ZNF433: variants seen among roughly 807,000 people sequenced by gnomAD.
ZNF433 encodes the protein zinc finger protein 433.
A neutral mutation model predicts 10.6 loss-of-function variants in ZNF433; 12 were observed. The ratio of observed to expected loss-of-function variants is 1.13; its 90% CI spans 0.72 to 1.83. ZNF433 has a LOEUF of 1.83. Ranked by LOEUF, ZNF433 falls within the 40% of genes most tolerant of loss-of-function variation. The probability of loss-of-function intolerance (pLI) is 0.00; values close to 1 mark genes in which losing one functional copy is unlikely to be tolerated. For synonymous variants in ZNF433, 272 were observed against 271.3 expected, an observed-to-expected ratio of 1.00 and a Z score of -0.02; for missense variants, 737 against 798.0, an observed-to-expected ratio of 0.92 and a Z score of 0.92.
intron 1 of ZNF433, 45 bp downstream of exon 1, chr19:12,035,492 A>G: frequency 3.8e-6 from 6 of 1,561,834 alleles, no homozygotes; most frequent in South Asian, 1.2e-5. Flanking sequence ...GGCCGGTTCC[A>G]ACCAGCTCCT....
At chr19:12,021,841 A>G in intron 1 of ZNF433, 1 of 410,150 alleles carries the variant, frequency 2.4e-6, no homozygotes, top group South Asian at 1.7e-5. Context: ...TCTCCTGAAG[A>G]CCACTCCCTG....
At position 12,015,168 on chromosome 19, in the gene ZNF433, A is replaced by G. The variant is rs374211269; in HGVS notation, c.1690T>C (p.Cys564Arg). The change falls in exon 4 of 4, where the codon TGT becomes CGT. Residue 564 changes from cysteine to arginine, a missense_variant. By Grantham distance (180) the Cys-to-Arg change is radical. Coordinates refer to ENST00000550507, the MANE Select transcript of ZNF433 (RefSeq NM_001308348.2). ...TGEKPYECKQCGKAFGSASHL... is the reference protein window; with the variant it reads ...TGEKPYECKQRGKAFGSASHL... Reference sequence around the variant, plus strand: ...GAGGCAGATCCAAAGGCTTTCCCACACTGCTTACATTCATAAGGTTTCTCT... The same window carrying G: ...GAGGCAGATCCAAAGGCTTTCCCACGCTGCTTACATTCATAAGGTTTCTCT... 4.3e-6 allele frequency: 7 copies of G among 1,613,880 alleles called. No individual in the cohort carries two copies. The highest frequency in any genetic ancestry group is 5.9e-6 in the Non-Finnish European group (7 of 1,179,932).
intron 1 of ZNF433, among the ~76,000 whole-genome samples, chr19:12,030,408 G>C (rs915697171): frequency 1.3e-5 from 2 of 151,944 alleles, no homozygotes; most frequent in Non-Finnish European, 2.9e-5. Context: ...TTTTAGTAGA[G>C]ACAGGCTTTC....
chr19:12,030,365 T>C (rs943105715), intron 1 of ZNF433, among the ~76,000 whole-genome samples: 1 of 151,936 alleles, frequency 6.6e-6, no homozygotes, highest in African/African-American at 2.4e-5. Flanking sequence ...GGACTACAGG[T>C]GCGCATCACC....
chr19:12,032,877 C>T (rs1015640911), intron 1 of ZNF433, among the ~76,000 whole-genome samples: 1 of 152,020 alleles, frequency 6.6e-6, no homozygotes, highest in Non-Finnish European at 1.5e-5. Flanking sequence ...TAATAAAAAA[C>T]CTGAAGCTGC....
At chr19:12,022,472 C>A (rs1172545188) in intron 1 of ZNF433, among the ~76,000 whole-genome samples, 1 of 152,116 alleles carries the variant, frequency 6.6e-6, no homozygotes, top group Non-Finnish European at 1.5e-5. Context: ...TCCTCTAGTG[C>A]CCCTGGGTTA....
rs1974072572 is a variant in ZNF433 at position 12,014,826 on chromosome 19, A to T, written c.*19T>A. 1 of 1,511,828 alleles carries T rather than the reference A, an allele frequency of 6.6e-7. No individual in the cohort carries two copies. Among genetic ancestry groups the T allele is most frequent in the East Asian group, 2.4e-5 (1 of 42,138 alleles). The allele number at this position is 1,511,828 out of a possible 1,614,324, so 93.7% of individuals were successfully genotyped here. A position where few individuals can be genotyped will look rare whatever the true frequency, so the allele number is the denominator to read the frequency against. On this transcript the variant is annotated 3_prime_UTR_variant, in exon 4 of 4. Transcript: ENST00000550507. ...TGGGCTTAAGCAGTCCCCCCACCTC[A>T]GCCTCCTAAAGCCTGGGGTTATGGG...
At chr19:12,023,678 T>C (rs1477127994) in intron 1 of ZNF433, 1 of 152,052 alleles carries the variant, frequency 6.6e-6, no homozygotes, top group Non-Finnish European at 1.5e-5. Context: ...TTTAACAGAG[T>C]TGGAGTTGGT....
rs1171169961 is a variant in ZNF433, at chr19:12,022,070, C to G, written c.4-3778G>C. 6.6e-6 allele frequency: 3 copies of G among 451,192 alleles called. No individual in the cohort carries two copies. The East Asian group carries it at 2.1e-4, about 32-fold the overall frequency. 27.9% of individuals were successfully genotyped at this position (451,192 alleles called of 1,614,324 possible). On this transcript the variant is annotated intron_variant, in intron 1 of 3. Transcript: ENST00000550507. ...CCAAAACTGGCCATAAACAAAATCT[C>G]TGCAGCACTGTGACATGTTCGTGAT...
Position 12,016,409 on chromosome 19 carries a change from C to G in ZNF433, c.449G>C (p.Cys150Ser), listed in dbSNP as rs149059930. The change falls in exon 4 of 4, where the codon TGT (cysteine) becomes TCT (serine). Residue 150 changes from cysteine (C) to serine (S), a missense_variant. Cys to Ser is a moderately radical substitution (Grantham distance 112, BLOSUM62 -1). Coordinates refer to ENST00000550507, the MANE Select transcript of ZNF433 (RefSeq NM_001308348.2). ...TTCATGTGTCTGAACAGAGGAGAGA[C>G]AGTTGAAAGGTTTTTTACAGTATTT... Reference protein sequence around the residue: ...KCKYCKKPFNCLSSVQTHERA... With the variant: ...KCKYCKKPFNSLSSVQTHERA... 154 of 1,614,114 alleles carry G rather than the reference C, an allele frequency of 9.5e-5. No homozygotes were observed. The African/African-American group carries it at 1.8e-3, about 19-fold the overall frequency.
intron 3 of ZNF433, 41 bp from the exon 4 acceptor site, chr19:12,016,707 C>T: frequency 6.3e-7 from 1 of 1,580,442 alleles, no homozygotes; most frequent in South Asian, 1.2e-5. Flanking sequence ...GTTTGATTAT[C>T]AGTGATTTTA....
Position 12,035,647 on chromosome 19 carries a change from A to C in ZNF433, c.-108T>G. 6.9e-7 allele frequency: 1 copy of C among 1,453,896 alleles called. No homozygotes were observed. Among genetic ancestry groups the C allele is most frequent in the Non-Finnish European group, 9.3e-7 (1 of 1,075,342 alleles). The allele number at this position is 1,453,896 out of a possible 1,614,324, so 90.1% of individuals were successfully genotyped here. The stretch of plus-strand genomic sequence containing the variant: ...CTCGGAGGGGAAAGCCAGGCTCCCA[A>C]CCTCAGCTCGCCGCCTGGAGCCGGG... On this transcript the variant is annotated 5_prime_UTR_variant, in exon 1 of 4. Coordinates refer to ENST00000550507, the MANE Select transcript of ZNF433 (RefSeq NM_001308348.2).
intron 1 of ZNF433, 92 bp downstream of exon 1, chr19:12,035,445 G>A: frequency 3.3e-6 from 5 of 1,519,494 alleles, no homozygotes; most frequent in Non-Finnish European, 4.5e-6. Context: ...CCCCGGAGTC[G>A]CCGCGGGGAG....
chr19:12,025,820 C>G lies in ZNF433; in HGVS notation c.4-7528G>C, dbSNP rs1185024076. On this transcript the variant is annotated intron_variant, in intron 1 of 3. Coordinates refer to ENST00000550507, the MANE Select transcript of ZNF433 (RefSeq NM_001308348.2). ...CTATTAAAACAGATAATGCCCCAGGCTATACTAGCCAAGCTCTAGCTACAT... is the reference window on the plus strand; with the variant it reads ...CTATTAAAACAGATAATGCCCCAGGGTATACTAGCCAAGCTCTAGCTACAT... 3 of 152,182 alleles carry G rather than the reference C, an allele frequency of 2.0e-5. No individual in the cohort carries two copies. The East Asian group carries it at 5.8e-4, about 29-fold the overall frequency. The allele number at this position is 152,182 out of a possible 1,614,324, so 9.4% of individuals were successfully genotyped here.
chr19:12,018,589 C>G (rs1974332411), intron 1 of ZNF433: 1 of 229,106 alleles, frequency 4.4e-6, no homozygotes, highest in Non-Finnish European at 8.4e-6. Context: ...AGTACGGCAC[C>G]TGCCATAACA....
Position 12,035,648 on chromosome 19 carries a change from C to T in ZNF433, c.-109G>A, listed in dbSNP as rs1020992569. ...TCGGAGGGGAAAGCCAGGCTCCCAA[C>T]CTCAGCTCGCCGCCTGGAGCCGGGA... On this transcript the variant is annotated 5_prime_UTR_variant, in exon 1 of 4. Transcript: ENST00000550507. 4.2e-6 allele frequency: 6 copies of T among 1,445,164 alleles called. No homozygotes were observed. Among genetic ancestry groups the T allele is most frequent in the African/African-American group, 2.9e-5 (2 of 68,960 alleles). The allele number at this position is 1,445,164 out of a possible 1,614,324, so 89.5% of individuals were successfully genotyped here.
intron 1 of ZNF433, chr19:12,022,309 T>C (rs891051678): frequency 7.5e-6 from 2 of 266,578 alleles, no homozygotes; most frequent in Non-Finnish European, 1.6e-5. Context: ...AAAGGAATAC[T>C]TTTAATCTAT....
intron 1 of ZNF433, chr19:12,018,662 G>T: frequency 6.2e-6 from 1 of 161,980 alleles, no homozygotes; most frequent in East Asian, 1.7e-4. Context: ...GCATATCCTT[G>T]AAAAAAAAAT....
chr19:12,017,758 A>G, intron 3 of ZNF433, 118 bp downstream of exon 3: 1 of 734,508 alleles, frequency 1.4e-6, no homozygotes, highest in Non-Finnish European at 2.2e-6. Context: ...AAATTTTCTA[A>G]GAATAAATAG....
Sources: gnomAD v4.1 joint callset for allele counts (sites outside exome capture counted in the v4.1 genomes callset) on GRCh38, gnomAD v4.1.1 for gene constraint, MANE v1.5 for transcripts, NCBI Gene and HGNC (gene_info 2026-07-23, HGNC 2026-07-21) for gene names.